Variants in GGA3 observed in about 807,000 individuals in gnomAD.
GGA3 encodes golgi associated, gamma adaptin ear containing, ARF binding protein 3.
A neutral mutation model predicts 77.5 loss-of-function variants in GGA3; 57 were observed. The observed-to-expected ratio is 0.74, with a 90% CI of 0.59 to 0.92. The LOEUF (loss-of-function observed/expected upper bound fraction) is 0.92, where lower values mean the gene tolerates loss of function less well. Ranked by LOEUF, GGA3 falls within the 40% of genes least tolerant of loss-of-function variation. The pLI is 0.00. For missense variants in GGA3, 970 were observed against 914.9 expected (o/e 1.06, Z -0.78); for synonymous variants, 416 against 383.7 (o/e 1.08, Z -0.98).
Position 75,237,829 on chromosome 17 carries a change from GGGCTGCAGCCCCTT to G in GGA3, c.*436_*449del. 7.0e-7 allele frequency: 1 copy of G among 1,428,688 alleles called. No individual in the cohort carries two copies. The highest frequency in any genetic ancestry group is 1.5e-5 in the South Asian group (1 of 65,832). The allele number at this position is 1,428,688 out of a possible 1,614,324, so 88.5% of individuals were successfully genotyped here. A position where few individuals can be genotyped will look rare whatever the true frequency, so the allele number is the denominator to read the frequency against. On this transcript the variant is annotated 3_prime_UTR_variant, in exon 17 of 17. Coordinates refer to ENST00000537686, the MANE Select transcript of GGA3 (RefSeq NM_138619.4). ...GCGGGGGAAGCATGGAATTGCAACA[GGGCTGCAGCCCCTT>G]GGGCCGTGCATCTGTCAGGTGTGAG...
At position 75,244,649 on chromosome 17, in the gene GGA3, CA is replaced by C; in HGVS notation, c.269del (p.Leu90Ter). ...FHNEVGKFRF[L>X]NELIKVVSPK... ...GAGAGACGACTTTGATTAACTCATT[CA>C]AAAAGCGGAACTTCCCCACTTCGTT... On this transcript the variant is annotated frameshift_variant, in exon 4 of 17. Coordinates refer to ENST00000537686, the MANE Select transcript of GGA3 (RefSeq NM_138619.4). LOFTEE classifies it high-confidence loss of function. 6.2e-7 allele frequency: 1 copy of C among 1,613,484 alleles called. No homozygotes were observed. The highest frequency in any genetic ancestry group is 1.7e-5 in the Admixed American group (1 of 60,028).
intron 1 of GGA3, among the ~76,000 whole-genome samples, chr17:75,252,873 C>T (rs11870615): frequency 0.047 from 7,102 of 152,214 alleles, 576 homozygotes; most frequent in African/African-American, 0.16. Flanking sequence ...CATCCCTGCC[C>T]GCAAAACATT....
Position 75,261,558 on chromosome 17 carries a change from C to G in GGA3, c.30G>C (p.Glu10Asp). The G allele has an allele frequency of 3.9e-6, 6 of 1,554,014 alleles. No individual in the cohort carries two copies. Among genetic ancestry groups the G allele is most frequent in the Non-Finnish European group, 5.2e-6 (6 of 1,152,110 alleles). The change falls in exon 1 of 17, where the codon GAG becomes GAC. Residue 10 changes from glutamate to aspartate, a missense_variant. Coordinates refer to ENST00000537686, the MANE Select transcript of GGA3 (RefSeq NM_138619.4). Reference sequence around the variant, plus strand: ...GCCGCGGCTACTCACTGAGCCAGGACTCCAGGCTTTCCCCTTCCGCCTCCG... The same window carrying G: ...GCCGCGGCTACTCACTGAGCCAGGAGTCCAGGCTTTCCCCTTCCGCCTCCG... MAEAEGESL[E>D]SWLNKATNPS...
At chr17:75,252,857 G>A (rs900612504) in intron 1 of GGA3, among the ~76,000 whole-genome samples, 2 of 152,106 alleles carry the variant, frequency 1.3e-5, no homozygotes, top group African/African-American at 2.4e-5. Context: ...TGTACTTTGT[G>A]AGATCCATCC....
chr17:75,239,492 TGGA>T lies in GGA3; in HGVS notation c.1660_1662del (p.Ser554del). 1 of 1,576,290 alleles carries T rather than the reference TGGA, an allele frequency of 6.3e-7. No homozygotes were observed. Among genetic ancestry groups the T allele is most frequent in the Non-Finnish European group, 8.6e-7 (1 of 1,167,674 alleles). ...TGGAAGAGCGGGCTGCCGGGCCCCG[TGGA>T]GAAGGGCAGGAGGGGCCTGGCTGGG... On this transcript the variant is annotated inframe_deletion, in exon 14 of 17. Coordinates refer to ENST00000537686, the MANE Select transcript of GGA3 (RefSeq NM_138619.4).
intron 1 of GGA3, among the ~76,000 whole-genome samples, chr17:75,249,676 C>T (rs1383805183): frequency 6.6e-6 from 1 of 152,130 alleles, no homozygotes; most frequent in Non-Finnish European, 1.5e-5. Context: ...ATCCCCATCC[C>T]CCAGGGCTAT....
At position 75,239,460 on chromosome 17, in the gene GGA3, C is replaced by T. The variant is rs1283736885; in HGVS notation, c.1695G>A (p.Leu565=). 2 of 1,581,074 alleles carry T rather than the reference C, an allele frequency of 1.3e-6. No individual in the cohort carries two copies. Among genetic ancestry groups the T allele is most frequent in the Non-Finnish European group, 1.7e-6 (2 of 1,171,258 alleles). ...TGPGSPLFQP[L]SFQSQGSPPK... is the part of the protein sequence containing the mutation. ...GGGGGCTGCCCTGGGACTGGAAACT[C>T]AGTGGCTGGAAGAGCGGGCTGCCGG... The change falls in exon 14 of 17, where the codon CTG becomes CTA. Residue 565 remains leucine, a synonymous_variant. Transcript: ENST00000537686.
At chr17:75,254,195 C>T (rs1179496363) in intron 1 of GGA3, among the ~76,000 whole-genome samples, 1 of 152,058 alleles carries the variant, frequency 6.6e-6, no homozygotes, top group Non-Finnish European at 1.5e-5. Flanking sequence ...GTCTTTTCTA[C>T]AGACCCATCT....
intron 1 of GGA3, among the ~76,000 whole-genome samples, chr17:75,259,439 A>G (rs191093138): frequency 1.8e-4 from 28 of 152,294 alleles, no homozygotes; most frequent in African/African-American, 6.5e-4. Flanking sequence ...CATTTAGTTG[A>G]GGAAACGGGA....
At chr17:75,242,611 C>A (rs1388153672) in intron 7 of GGA3, 138 bp from the exon 8 acceptor site, 5 of 1,023,314 alleles carry the variant, frequency 4.9e-6, no homozygotes, top group Non-Finnish European at 7.4e-6. Context: ...GGGGCCCAGT[C>A]TATACTTCTG....
intron 1 of GGA3, among the ~76,000 whole-genome samples, chr17:75,255,552 C>T (rs1203295398): frequency 6.6e-6 from 1 of 152,230 alleles, no homozygotes; most frequent in Non-Finnish European, 1.5e-5. Flanking sequence ...TTACCCCGCT[C>T]AATGCCAATA....
At position 75,243,442 on chromosome 17, in the gene GGA3, C is replaced by T. The variant is rs769007219; in HGVS notation, c.424+5G>A. 35 of 1,613,972 alleles carry T rather than the reference C, an allele frequency of 2.2e-5. No individual in the cohort carries two copies. The highest frequency in any genetic ancestry group is 6.7e-5 in the Admixed American group (4 of 59,996). ...CCTGGAGGCTGCGGGCAGGCAGACACGTACCCTGTCTCTTCAGCATGTGGT... is the reference window on the plus strand; with the variant it reads ...CCTGGAGGCTGCGGGCAGGCAGACATGTACCCTGTCTCTTCAGCATGTGGT... On this transcript the variant is annotated splice_donor_5th_base_variant and intron_variant, in intron 5 of 16. Transcript: ENST00000537686.
chr17:75,237,485 TCC>T lies in GGA3; in HGVS notation c.*792_*793del, dbSNP rs2076358847. 6 of 1,535,616 alleles carry T rather than the reference TCC, an allele frequency of 3.9e-6. No individual in the cohort carries two copies. The highest frequency in any genetic ancestry group is 5.2e-6 in the Non-Finnish European group (6 of 1,146,630). ...AAGAGGTAGTCAGTAGGATGGCCTGTCCCCACGGCTGGAGGCACGCTTTTCCC... is the reference window on the plus strand; with the variant it reads ...AAGAGGTAGTCAGTAGGATGGCCTGTCCACGGCTGGAGGCACGCTTTTCCC... On this transcript the variant is annotated 3_prime_UTR_variant, in exon 17 of 17. Transcript: ENST00000537686.
At chr17:75,251,920 A>G (rs1480122575) in intron 1 of GGA3, among the ~76,000 whole-genome samples, 3 of 150,972 alleles carry the variant, frequency 2.0e-5, no homozygotes, top group Non-Finnish European at 4.4e-5. Flanking sequence ...CACTCACATC[A>G]CACCTAGCTA....
chr17:75,241,666 G>A lies in GGA3; in HGVS notation c.778C>T (p.Arg260Trp), dbSNP rs774062810. 15 of 1,613,906 alleles carry A rather than the reference G, an allele frequency of 9.3e-6. No individual in the cohort carries two copies. The highest frequency in any genetic ancestry group is 6.7e-5 in the East Asian group (3 of 44,896). The change falls in exon 9 of 17, where the codon CGG becomes TGG. Residue 260 changes from arginine to tryptophan, a missense_variant. Coordinates refer to ENST00000537686, the MANE Select transcript of GGA3 (RefSeq NM_138619.4). ...ELFDQCENKR[R>W]TLFKLASETE... ...TCACTGGCGAGTTTAAATAAAGTCC[G>A]CCTCTTGTTCTCACACTGATCAAAC...
Position 75,240,128 on chromosome 17 carries a change from TG to T in GGA3, c.1264-21del. On this transcript the variant is annotated intron_variant, in intron 12 of 16. Coordinates refer to ENST00000537686, the MANE Select transcript of GGA3 (RefSeq NM_138619.4). ...TTCCCTCTATGAACAACAGAAAGGGTGGTGAGCCGAGGGCGGGTGGGGAGGG... is the reference window on the plus strand; with the variant it reads ...TTCCCTCTATGAACAACAGAAAGGGTGTGAGCCGAGGGCGGGTGGGGAGGG... The T allele has an allele frequency of 1.6e-6, 1 of 619,886 alleles. No individual in the cohort carries two copies. The highest frequency in any genetic ancestry group is 2.4e-6 in the Non-Finnish European group (1 of 416,528). 38.4% of individuals were successfully genotyped at this position (619,886 alleles called of 1,614,324 possible).
chr17:75,247,949 G>A (rs1342697976), intron 1 of GGA3, among the ~76,000 whole-genome samples: 1 of 152,144 alleles, frequency 6.6e-6, no homozygotes, highest in Non-Finnish European at 1.5e-5. Context: ...CAGGTCCAGA[G>A]CCTCCCTCTT....
At position 75,239,409 on chromosome 17, in the gene GGA3, G is replaced by A. The variant is rs1354197132; in HGVS notation, c.1746C>T (p.Ala582=). 1 of 1,566,840 alleles carries A rather than the reference G, an allele frequency of 6.4e-7. No homozygotes were observed. Among genetic ancestry groups the A allele is most frequent in the Non-Finnish European group, 8.6e-7 (1 of 1,163,462 alleles). The change falls in exon 14 of 17, where the codon GCC becomes GCT. Residue 582 remains alanine, a synonymous_variant. Coordinates refer to ENST00000537686, the MANE Select transcript of GGA3 (RefSeq NM_138619.4). ...SPPKGPELSL[A]SIHVPLESIK... is the part of the protein sequence containing the mutation. The stretch of plus-strand genomic sequence containing the variant: ...TCGATTCCAGGGGCACGTGGATGCT[G>A]GCCAGGGAGAGCTCAGGCCCCTTCG...
chr17:75,256,449 A>G (rs1042005087), intron 1 of GGA3, among the ~76,000 whole-genome samples: 1 of 151,550 alleles, frequency 6.6e-6, no homozygotes, highest in Admixed American at 6.6e-5. Context: ...CTGATACCAC[A>G]CCTGACCCCC....
Sources: allele counts gnomAD v4.1 joint callset (sites outside exome capture counted in the v4.1 genomes callset), GRCh38; gene constraint gnomAD v4.1.1; transcripts MANE v1.5; gene names NCBI Gene and HGNC (gene_info 2026-07-23, HGNC 2026-07-21).